ESR1: variants seen among roughly 807,000 people sequenced by gnomAD.
The protein encoded by ESR1 is estrogen receptor 1.
A neutral mutation model predicts 52.7 loss-of-function variants in ESR1; 12 were observed. The observed-to-expected ratio is 0.23, with a 90% CI of 0.15 to 0.37. The LOEUF is 0.37. ESR1 is among the 10% of genes least tolerant of loss of function. ESR1 has a pLI of 1.00. For synonymous variants in ESR1, 305 were observed against 316.8 expected (o/e 0.96, Z 0.39); for missense variants, 584 against 779.7 (o/e 0.75, Z 2.99).
intron 3 of ESR1, among the ~76,000 whole-genome samples, chr6:151,911,539 A>G (rs777916317): frequency 2.6e-5 from 4 of 152,132 alleles, no homozygotes; most frequent in Non-Finnish European, 4.4e-5. Flanking sequence ...ACATTCTCTC[A>G]AATCAATCAG....
At position 151,899,794 on chromosome 6, in the gene ESR1, C is replaced by T. The variant is rs373974739; in HGVS notation, c.760+19023C>T. ...GCAGAGGCGCTCCCCACATCTCAGA[C>T]GATGGGCGGCAGGGCAGAGACGCTC... On this transcript the variant is annotated intron_variant, in intron 3 of 7. Transcript: ENST00000206249. 5.9e-3 allele frequency among the ~76,000 whole-genome samples: 876 copies of T among 147,452 alleles called. 10 individuals carry two copies. The highest frequency in any genetic ancestry group is 0.021 in the African/African-American group (816 of 38,940).
chr6:152,122,384 G>A (rs371209064), intron 6 of ESR1: 4 of 1,613,030 alleles, frequency 2.5e-6, no homozygotes, highest in Admixed American at 3.3e-5. Context: ...GATTGCTTAT[G>A]ACCCGATCCT....
intron 6 of ESR1, among the ~76,000 whole-genome samples, chr6:152,113,574 T>TTGTGTGTGTGTG (rs149373494): frequency 3.1e-4 from 46 of 149,318 alleles, no homozygotes; most frequent in African/African-American, 1.1e-3. Context: ...AGATCTCATA[T>TTGTGTGTGTGTG]TGTGTGTGTG....
At chr6:151,896,685 G>T (rs1172864396) in intron 3 of ESR1, among the ~76,000 whole-genome samples, 1 of 150,348 alleles carries the variant, frequency 6.7e-6, no homozygotes, top group Non-Finnish European at 1.5e-5. Flanking sequence ...ATTTCCTTTA[G>T]CTCTGCTCTG....
At chr6:151,829,444 C>A (rs1042591762) in intron 1 of ESR1, among the ~76,000 whole-genome samples, 3 of 152,068 alleles carry the variant, frequency 2.0e-5, no homozygotes, top group Admixed American at 1.3e-4. Context: ...GTGGGAAAAT[C>A]ATTTTAGCAT....
At chr6:152,003,528 C>T (rs2042115945) in intron 4 of ESR1, among the ~76,000 whole-genome samples, 1 of 151,902 alleles carries the variant, frequency 6.6e-6, no homozygotes, top group South Asian at 2.1e-4. Flanking sequence ...AAAATTATTA[C>T]TGCTTTTGAA....
At chr6:151,894,064 T>G (rs9479138) in intron 3 of ESR1, among the ~76,000 whole-genome samples, 79,635 of 151,956 alleles carry the variant, frequency 0.52, 22,869 homozygotes, top group Middle Eastern at 0.73. Context: ...CGTCTATTAT[T>G]TTTTGATTTT....
At chr6:151,747,657 G>T (rs953421012) in intron 2 of ESR1, among the ~76,000 whole-genome samples, 1 of 152,134 alleles carries the variant, frequency 6.6e-6, no homozygotes, top group African/African-American at 2.4e-5. Context: ...AGAGTTGTGC[G>T]ATCATTGCCA....
intron 6 of ESR1, among the ~76,000 whole-genome samples, chr6:152,092,337 G>A (rs185043310): frequency 3.9e-5 from 6 of 152,280 alleles, no homozygotes; most frequent in African/African-American, 1.4e-4. Context: ...CCAAGATCCC[G>A]ACCATTCTGG....
intron 4 of ESR1, among the ~76,000 whole-genome samples, chr6:151,954,838 T>C (rs550788530): frequency 6.6e-6 from 1 of 152,356 alleles, no homozygotes; most frequent in East Asian, 1.9e-4. Flanking sequence ...ATTTTTTCTT[T>C]ATTGCTGTCT....
At chr6:151,776,270 A>G (rs17828471) in intron 2 of ESR1, among the ~76,000 whole-genome samples, 17,815 of 152,208 alleles carry the variant, frequency 0.12, 1,168 homozygotes, top group Non-Finnish European at 0.13. Flanking sequence ...CCACAGGCTG[A>G]AATATTAGGA....
chr6:151,703,323 G>T (rs1779935312), intron 2 of ESR1, among the ~76,000 whole-genome samples: 1 of 152,162 alleles, frequency 6.6e-6, no homozygotes, highest in South Asian at 2.1e-4. Flanking sequence ...TGCAGGACTG[G>T]TCAGGCCAGT....
rs557079610 is a variant in ESR1 at position 151,675,367 on chromosome 6, G to A, written n.73+18604G>A. 6.6e-5 allele frequency among the ~76,000 whole-genome samples: 10 copies of A among 152,228 alleles called. No homozygotes were observed. In the South Asian group the frequency reaches 2.1e-3, roughly 32 times the overall value. On this transcript the variant is annotated intron_variant and non_coding_transcript_variant, in intron 1 of 2. Coordinates refer to the ESR1 transcript ENST00000473497. ...CTATTTCTTTGGGTGTGGGTGGTTG[G>A]ATGGTTAGCTCAGTGGTCTCGGATG...
At chr6:151,866,972 A>T (rs1338074653) in intron 2 of ESR1, among the ~76,000 whole-genome samples, 6 of 152,106 alleles carry the variant, frequency 3.9e-5, no homozygotes. Flanking sequence ...CACATGTACA[A>T]CCCTCTGATC....
upstream of ESR1, among the ~76,000 whole-genome samples, chr6:151,687,424 C>T (rs921027159): frequency 6.6e-6 from 1 of 152,144 alleles, no homozygotes; most frequent in Non-Finnish European, 1.5e-5. Flanking sequence ...AGTGATAGAA[C>T]TGAGATAGTG....
At chr6:151,770,093 A>G (rs1785392268) in intron 2 of ESR1, among the ~76,000 whole-genome samples, 1 of 152,110 alleles carries the variant, frequency 6.6e-6, no homozygotes, top group Non-Finnish European at 1.5e-5. Flanking sequence ...TGAATGGAAT[A>G]GATGAGTGGA....
intron 5 of ESR1, among the ~76,000 whole-genome samples, chr6:152,033,671 T>C (rs1342125071): frequency 6.6e-6 from 1 of 152,134 alleles, no homozygotes; most frequent in Non-Finnish European, 1.5e-5. Context: ...TGTGGAGAAA[T>C]AGGAAGACTT....
At chr6:151,781,980 A>G (rs2128122675) in intron 2 of ESR1, among the ~76,000 whole-genome samples, 1 of 152,352 alleles carries the variant, frequency 6.6e-6, no homozygotes, top group South Asian at 2.1e-4. Flanking sequence ...CTAAAATACT[A>G]AGGACGAGAT....
intron 4 of ESR1, among the ~76,000 whole-genome samples, chr6:151,959,824 T>C (rs2037445338): frequency 6.6e-6 from 1 of 152,178 alleles, no homozygotes; most frequent in Admixed American, 6.5e-5. Flanking sequence ...AGAACTAACA[T>C]TTGTCCTGTC....
Sources: allele counts gnomAD v4.1 joint callset (sites outside exome capture counted in the v4.1 genomes callset), GRCh38; gene constraint gnomAD v4.1.1; transcripts MANE v1.5; gene names NCBI Gene and HGNC (gene_info 2026-07-23, HGNC 2026-07-21).